Variants in CDC42BPG observed in about 807,000 individuals in gnomAD.
CDC42BPG encodes CDC42 binding protein kinase gamma.
A neutral mutation model predicts 192.2 loss-of-function variants in CDC42BPG; 157 were observed. The ratio of observed to expected loss-of-function variants is 0.82; its 90% CI spans 0.72 to 0.93. CDC42BPG has a LOEUF of 0.93. CDC42BPG is among the 40% of genes least tolerant of loss of function. CDC42BPG has a pLI of 0.00. For missense variants in CDC42BPG, 1,992 were observed against 2,122.1 expected (o/e 0.94, Z 1.20); for synonymous variants, 981 against 918.5 (o/e 1.07, Z -1.23).
chr11:64,831,389 G>C, intron 28 of CDC42BPG, 116 bp downstream of exon 28: 1 of 972,670 alleles, frequency 1.0e-6, no homozygotes, highest in Non-Finnish European at 1.5e-6. Flanking sequence ...GTGCAAGGCA[G>C]TCTGTGTCTC....
In CDC42BPG at chr11:64,833,825, G is replaced by C; in HGVS notation, c.2478C>G (p.Ala826=). Residue 826 remains alanine (A), a synonymous_variant, in exon 22 of 37, where the codon GCC becomes GCG. Transcript: ENST00000342711. ...CCTCTCCTGAGATGCCAGGGTCCTT[G>C]GCAGAATCCTTCTGGGGGTGGGAGA... is the stretch of plus-strand genomic sequence containing the variant. ...LSFRSSEKDS[A]KDPGISGEAT... The C allele has an allele frequency of 6.2e-7, 1 of 1,614,272 alleles. No individual in the cohort carries two copies. The highest frequency in any genetic ancestry group is 8.5e-7 in the Non-Finnish European group (1 of 1,180,050).
Position 64,836,713 on chromosome 11 carries a change from G to GA in CDC42BPG, c.1384+25_1384+26insT. The stretch of plus-strand genomic sequence containing the variant: ...CCAGGTGGGACTCAGCCCTGGGGGG[G>GA]GGGGGGGGGTGGGCGGAAGGGATAC... On this transcript the variant is annotated intron_variant, in intron 11 of 36. Coordinates refer to ENST00000342711, the MANE Select transcript of CDC42BPG (RefSeq NM_017525.3). 6 of 856,512 alleles carry GA rather than the reference G, an allele frequency of 7.0e-6. 1 individual carries two copies. The highest frequency in any genetic ancestry group is 1.8e-5 in the African/African-American group (1 of 56,354). The allele number at this position is 856,512 out of a possible 1,614,324, so 53.1% of individuals were successfully genotyped here. A position where few individuals can be genotyped will look rare whatever the true frequency, so the allele number is the denominator to read the frequency against.
Position 64,827,106 on chromosome 11 carries a change from G to T in CDC42BPG, c.4333C>A (p.His1445Asn). Residue 1445 changes from histidine (H) to asparagine (N), a missense_variant, in exon 34 of 37, where the codon CAC becomes AAC. Physicochemically the swap from His to Asn is moderately conservative, Grantham distance 68. Coordinates refer to ENST00000342711, the MANE Select transcript of CDC42BPG (RefSeq NM_017525.3). ...KLISPPTNFN[H>N]LVHVGPANGR... The stretch of plus-strand genomic sequence containing the variant: ...TTGGCAGGGCCCACGTGTACTAGGT[G>T]GTTGAAGTTGGTAGGCGGCGAGATG... 1 of 1,614,110 alleles carries T rather than the reference G, an allele frequency of 6.2e-7. No homozygotes were observed. The highest frequency in any genetic ancestry group is 8.5e-7 in the Non-Finnish European group (1 of 1,179,970).
chr11:64,829,407 A>C (rs976899731), intron 30 of CDC42BPG, 64 bp downstream of exon 30: 1 of 1,566,294 alleles, frequency 6.4e-7, no homozygotes, highest in East Asian at 2.3e-5. Context: ...TTGAGGCGGG[A>C]CCCTGTCTTC....
In CDC42BPG at chr11:64,829,662, G is replaced by A; in HGVS notation, c.3776C>T (p.Ala1259Val). The change falls in exon 30 of 37, where the codon GCG (alanine) becomes GTG (valine). Residue 1259 changes from alanine to valine, a missense_variant. Ala to Val is a moderately conservative substitution (Grantham distance 64). Transcript: ENST00000342711. ...CTCAGGCACCAAACCGGCCCCCAGC[G>A]CCAACGGCGCAGCCTCGTTGAGCAG... ...YPLLNEAAPL[A>V]LGAGLVPEEL... 12 of 1,611,520 alleles carry A rather than the reference G, an allele frequency of 7.4e-6. No homozygotes were observed. The highest frequency in any genetic ancestry group is 2.7e-5 in the African/African-American group (2 of 75,048).
chr11:64,830,454 T>C (rs559982074), intron 28 of CDC42BPG, 198 bp from the exon 29 acceptor site: 4 of 615,252 alleles, frequency 6.5e-6, no homozygotes, highest in South Asian at 1.9e-5. Flanking sequence ...GCCCATCATC[T>C]TGAGCTGTGG....
At chr11:64,839,349 T>G in intron 6 of CDC42BPG, 116 bp from the exon 7 acceptor site, 1 of 1,502,188 alleles carries the variant, frequency 6.7e-7, no homozygotes, top group Non-Finnish European at 9.2e-7. Flanking sequence ...GCTGCCCACC[T>G]GGGGCCTGGG....
rs2136370252 is a variant in CDC42BPG, at chr11:64,838,731, C to T, written c.1048G>A (p.Ala350Thr). Residue 350 changes from alanine (A) to threonine (T), a missense_variant, in exon 8 of 37, where the codon GCC becomes ACC. By Grantham distance (58) the Ala-to-Thr change is moderately conservative. Coordinates refer to ENST00000342711, the MANE Select transcript of CDC42BPG (RefSeq NM_017525.3). ...CCCCGCAGCTCAGGAATATAGGGGG[C>T]CGTGCTGCTCGCCAGCCGCTCCCAG... is the stretch of plus-strand genomic sequence containing the variant. Reference protein sequence around the residue: ...VDWERLASSTAPYIPELRGPM... With the variant: ...VDWERLASSTTPYIPELRGPM... The T allele has an allele frequency of 6.2e-7, 1 of 1,613,036 alleles. No individual in the cohort carries two copies. The highest frequency in any genetic ancestry group is 8.5e-7 in the Non-Finnish European group (1 of 1,180,026).
Position 64,832,470 on chromosome 11 carries a change from A to G in CDC42BPG, c.3045T>C (p.Asp1015=), listed in dbSNP as rs763978887. The change falls in exon 27 of 37, where the codon GAT becomes GAC. Residue 1015 remains aspartate, a synonymous_variant. Coordinates refer to ENST00000342711, the MANE Select transcript of CDC42BPG (RefSeq NM_017525.3). Reference sequence around the variant, plus strand: ...GGTCCCTGGATTGGGCATGGATAACATCAGAGGCCAGGACAGGGGTAGCCG... The same window carrying G: ...GGTCCCTGGATTGGGCATGGATAACGTCAGAGGCCAGGACAGGGGTAGCCG... ...QFSATPVLAS[D]VIHAQSRDLP... is the part of the protein sequence containing the mutation. The G allele has an allele frequency of 6.8e-6, 11 of 1,614,114 alleles. No homozygotes were observed. In the Admixed American group the frequency reaches 1.0e-4, roughly 15 times the overall value.
In CDC42BPG at chr11:64,833,349, A is replaced by T; in HGVS notation, c.2626-13T>A. On this transcript the variant is annotated splice_polypyrimidine_tract_variant and intron_variant, in intron 23 of 36. Coordinates refer to ENST00000342711, the MANE Select transcript of CDC42BPG (RefSeq NM_017525.3). ...TGTGTGAGCCGGGCTGGGGAGGGGG[A>T]CAGCCATTACCCAAGGCCTCCCAGG... The T allele has an allele frequency of 7.4e-7, 1 of 1,358,902 alleles. No individual in the cohort carries two copies. Among genetic ancestry groups the T allele is most frequent in the East Asian group, 2.5e-5 (1 of 39,818 alleles). 84.2% of individuals were successfully genotyped at this position (1,358,902 alleles called of 1,614,324 possible).
At position 64,844,511 on chromosome 11, in the gene CDC42BPG, G is replaced by A. The variant is rs1167199649; in HGVS notation, c.59C>T (p.Pro20Leu). 4 of 1,340,860 alleles carry A rather than the reference G, an allele frequency of 3.0e-6. No homozygotes were observed. The highest frequency in any genetic ancestry group is 3.7e-5 in the South Asian group (2 of 54,714). 83.1% of individuals were successfully genotyped at this position (1,340,860 alleles called of 1,614,324 possible). Residue 20 changes from proline to leucine, a missense_variant, in exon 1 of 37, where the codon CCG (proline) becomes CTG (leucine). By Grantham distance (98) the Pro-to-Leu change is moderately conservative. Coordinates refer to ENST00000342711, the MANE Select transcript of CDC42BPG (RefSeq NM_017525.3). Reference protein sequence around the residue: ...QLARGEAGGCPGLDGLLDLLL... With the variant: ...QLARGEAGGCLGLDGLLDLLL... ...CAGATCTAGGAGGCCGTCGAGCCCC[G>A]GGCAGCCGCCGGCCTCGCCCCGCGC...
Position 64,827,170 on chromosome 11 carries a change from G to A in CDC42BPG, c.4272-3C>T. On this transcript the variant is annotated splice_polypyrimidine_tract_variant and splice_region_variant and intron_variant, in intron 33 of 36. Coordinates refer to ENST00000342711, the MANE Select transcript of CDC42BPG (RefSeq NM_017525.3). ...CAAAAGGGTCCTTCAGCATCTCCCT[G>A]TGGGCGGAGGTGTAAGTAGTGGGTG... The A allele has an allele frequency of 6.2e-7, 1 of 1,613,788 alleles. No individual in the cohort carries two copies. Among genetic ancestry groups the A allele is most frequent in the South Asian group, 1.1e-5 (1 of 91,078 alleles).
At chr11:64,826,996 G>A (rs1942454173) in intron 34 of CDC42BPG, 54 bp downstream of exon 34, 4 of 1,333,656 alleles carry the variant, frequency 3.0e-6, no homozygotes, top group Non-Finnish European at 3.2e-6. Context: ...CACAGAGGCC[G>A]GTTATTGGCT....
chr11:64,844,455 C>G lies in CDC42BPG; in HGVS notation c.115G>C (p.Gly39Arg). Residue 39 changes from glycine (G) to arginine (R), a missense_variant, in exon 1 of 37, where the codon GGC becomes CGC. Physicochemically the swap from Gly to Arg is moderately radical, Grantham distance 125 (BLOSUM62 -2). Around this residue, in one of 2 missense-constraint regions of CDC42BPG, gnomAD observed 1,656 missense variants for 1,844.3 expected, o/e 0.90. Transcript: ENST00000342711. ...LLALHHELSS[G>R]PLRRERSVAQ... ...ACGCTGCGCTCCCGCCGTAGGGGGC[C>G]GCTGCTGAGCTCGTGGTGCAGCGCC... 3 of 1,468,964 alleles carry G rather than the reference C, an allele frequency of 2.0e-6. No individual in the cohort carries two copies. Among genetic ancestry groups the G allele is most frequent in the Non-Finnish European group, 2.7e-6 (3 of 1,115,582 alleles). 91.0% of individuals were successfully genotyped at this position (1,468,964 alleles called of 1,614,324 possible).
rs775785246 is a variant in CDC42BPG at position 64,836,708 on chromosome 11, G to C, written c.1384+31C>G. 5.1e-3 allele frequency: 3,544 copies of C among 691,882 alleles called. 105 individuals are homozygous for C. The highest frequency in any genetic ancestry group is 0.038 in the African/African-American group (1,555 of 41,386). 42.9% of individuals were successfully genotyped at this position (691,882 alleles called of 1,614,324 possible). On this transcript the variant is annotated intron_variant, in intron 11 of 36. Coordinates refer to ENST00000342711, the MANE Select transcript of CDC42BPG (RefSeq NM_017525.3). ...CGAGCCCAGGTGGGACTCAGCCCTG[G>C]GGGGGGGGGGGGGGTGGGCGGAAGG...
In CDC42BPG at chr11:64,836,251, G is replaced by A. The variant is rs780325801; in HGVS notation, c.1534C>T (p.Leu512Phe). 1.9e-5 allele frequency: 30 copies of A among 1,601,798 alleles called. No individual in the cohort carries two copies. The highest frequency in any genetic ancestry group is 2.5e-5 in the Non-Finnish European group (29 of 1,176,438). The change falls in exon 13 of 37, where the codon CTC (leucine) becomes TTC (phenylalanine). Residue 512 changes from leucine (L) to phenylalanine (F), a missense_variant. Physicochemically the swap from Leu to Phe is conservative, Grantham distance 22 (BLOSUM62 0). This residue lies in a region of CDC42BPG where 1,656 missense variants were observed against 1,844.3 expected (regional missense o/e 0.90). Transcript: ENST00000342711. ...RAGLQAQEQE[L>F]CRAQGQQEEL... ...TCCTGCTGCCCCTGGGCCCTGCAGA[G>A]CTCCTGCTCCTGAGCCTGCAGCCCT...
chr11:64,843,757 C>T (rs1943382717), intron 1 of CDC42BPG, among the ~76,000 whole-genome samples: 1 of 152,250 alleles, frequency 6.6e-6, no homozygotes. Flanking sequence ...CCCCCCTCCC[C>T]GGCCCCGGCG....
intron 10 of CDC42BPG, 34 bp from the exon 11 acceptor site, chr11:64,836,853 C>T: frequency 1.2e-6 from 2 of 1,610,748 alleles, no homozygotes; most frequent in Non-Finnish European, 1.7e-6. Context: ...GGTGAGTCCA[C>T]TCCTCCATTC....
chr11:64,831,100 C>G (rs1458898286), intron 28 of CDC42BPG, among the ~76,000 whole-genome samples: 1 of 152,146 alleles, frequency 6.6e-6, no homozygotes, highest in Non-Finnish European at 1.5e-5. Flanking sequence ...TGCCTGCAAT[C>G]CCAGCTACTC....
Sources: allele counts gnomAD v4.1 joint callset (sites outside exome capture counted in the v4.1 genomes callset), GRCh38; gene constraint gnomAD v4.1.1; regional missense constraint gnomAD v4.1.1; transcripts MANE v1.5; gene names NCBI Gene and HGNC (gene_info 2026-07-23, HGNC 2026-07-21).